The following EFCAB8 variants were observed in gnomAD, a reference collection of about 807,000 sequenced individuals.
EFCAB8 encodes EF-hand calcium binding domain 8, also known as EF-hand calcium-binding domain-containing protein 8.
EFCAB8 carries 100 observed loss-of-function variants against 116.3 expected under a neutral mutation model. The observed-to-expected ratio is 0.86, with a 90% CI of 0.73 to 1.02. The LOEUF (loss-of-function observed/expected upper bound fraction) is 1.02, where lower values mean the gene tolerates loss of function less well. Ranked by LOEUF, EFCAB8 falls within the 50% of genes least tolerant of loss-of-function variation. EFCAB8 has a pLI of 0.00. For missense variants in EFCAB8, 1,320 were observed against 1,416.9 expected (o/e 0.93, Z 1.10); for synonymous variants, 558 against 567.9 (o/e 0.98, Z 0.25).
intron 22 of EFCAB8, among the ~76,000 whole-genome samples, chr20:32,932,079 A>C (rs1183157029): frequency 6.6e-6 from 1 of 152,118 alleles, no homozygotes; most frequent in Non-Finnish European, 1.5e-5. Flanking sequence ...TCAGTTTCTA[A>C]AAATTTATTC....
chr20:32,892,217 C>A lies in EFCAB8; in HGVS notation c.678C>A (p.Phe226Leu). The A allele has an allele frequency of 1.3e-6, 2 of 1,551,676 alleles. No homozygotes were observed. Among genetic ancestry groups the A allele is most frequent in the Non-Finnish European group, 1.7e-6 (2 of 1,146,990 alleles). ...GGCCTTCTGTCTTTCCCCCAGATTT[C>A]TTTGATATTAGTGACCACAAATGTG... The part of the protein sequence containing the change: ...AVASTRQKID[F>L]FDISDHKCVR... Residue 226 changes from phenylalanine (F) to leucine (L), a missense_variant, in exon 8 of 27, where the codon TTC becomes TTA. Phe to Leu is a conservative substitution (Grantham distance 22). Transcript: ENST00000400522.
intron 7 of EFCAB8, among the ~76,000 whole-genome samples, chr20:32,891,930 G>A (rs1480646779): frequency 2.0e-5 from 3 of 152,066 alleles, no homozygotes; most frequent in African/African-American, 7.2e-5. Flanking sequence ...CTAGGCTCAA[G>A]CAGTCCTCTT....
intron 22 of EFCAB8, among the ~76,000 whole-genome samples, chr20:32,936,260 T>C (rs1366644066): frequency 6.6e-6 from 1 of 151,922 alleles, no homozygotes; most frequent in Non-Finnish European, 1.5e-5. Flanking sequence ...TGTTGAACTC[T>C]TGACCTCAGG....
intron 1 of EFCAB8, among the ~76,000 whole-genome samples, chr20:32,859,749 A>G (rs770117799): frequency 3.3e-5 from 5 of 152,186 alleles, no homozygotes; most frequent in Non-Finnish European, 7.3e-5. Context: ...ACCCCTAAAT[A>G]CTTTTCAGTG....
Position 32,893,931 on chromosome 20 carries a change from G to A in EFCAB8, c.883+633G>A, listed in dbSNP as rs1251668966. 2.0e-5 allele frequency among the ~76,000 whole-genome samples: 3 copies of A among 152,328 alleles called. No homozygotes were observed. In the South Asian group the frequency reaches 6.2e-4, roughly 32 times the overall value. The stretch of plus-strand genomic sequence containing the variant: ...AGGTCACCTGTACACGCCCCTGCCT[G>A]GTGAGTGGGGGCTAAGATCTGAAGT... On this transcript the variant is annotated intron_variant, in intron 9 of 26. Transcript: ENST00000400522.
intron 22 of EFCAB8, among the ~76,000 whole-genome samples, chr20:32,935,327 A>G (rs368555385): frequency 6.7e-6 from 1 of 149,040 alleles, no homozygotes; most frequent in Non-Finnish European, 1.5e-5. Context: ...CAGCCTCCTG[A>G]GTAGCTGTGA....
At chr20:32,951,299 G>T (rs765101820) in intron 23 of EFCAB8, among the ~76,000 whole-genome samples, 1 of 152,162 alleles carries the variant, frequency 6.6e-6, no homozygotes, top group Non-Finnish European at 1.5e-5. Context: ...ATCAATAGTT[G>T]AGTTGATAAA....
At chr20:32,912,084 A>G (rs1007419183) in intron 16 of EFCAB8, among the ~76,000 whole-genome samples, 3 of 152,206 alleles carry the variant, frequency 2.0e-5, no homozygotes, top group Non-Finnish European at 4.4e-5. Flanking sequence ...GGAGTGGCAT[A>G]GGGCAAAGCC....
chr20:32,941,232 A>G (rs970412945), intron 22 of EFCAB8, among the ~76,000 whole-genome samples: 1 of 148,870 alleles, frequency 6.7e-6, no homozygotes, highest in Non-Finnish European at 1.5e-5. Flanking sequence ...AGTCTGGGCA[A>G]CAAGAGCAAA....
chr20:32,864,915 C>A (rs1984310845), intron 2 of EFCAB8, among the ~76,000 whole-genome samples: 1 of 152,220 alleles, frequency 6.6e-6, no homozygotes. Context: ...CACATGTATT[C>A]AGGTGTCATT....
At chr20:32,931,433 T>TA in intron 22 of EFCAB8, 97 bp downstream of exon 22, 1 of 1,373,672 alleles carries the variant, frequency 7.3e-7, no homozygotes, top group East Asian at 2.7e-5. Context: ...GAAATACACT[T>TA]ACTAAAAGAT....
At chr20:32,903,672 A>G (rs192171863) in intron 11 of EFCAB8, 4 of 152,414 alleles carry the variant, frequency 2.6e-5, no homozygotes, top group Admixed American at 1.3e-4. Context: ...GTGTACTGCC[A>G]TCTGTTCTCT....
At chr20:32,958,207 C>T (rs1280290415) in intron 23 of EFCAB8, among the ~76,000 whole-genome samples, 1 of 152,134 alleles carries the variant, frequency 6.6e-6, no homozygotes, top group Admixed American at 6.6e-5. Context: ...GCCTGAGCTC[C>T]GAGTGTGTCC....
Position 32,875,502 on chromosome 20 carries a change from G to GTTTTTTTTTTTTTTTTTTTTTTT in EFCAB8, c.209-406_209-405insTTTTTTTTTTTTTTTTTTTTTTT, listed in dbSNP as rs57620114. On this transcript the variant is annotated intron_variant, in intron 3 of 26. Transcript: ENST00000400522. ...CTGAGCACACCTGGTAAACATGGTG[G>GTTTTTTTTTTTTTTTTTTTTTTT]TTTTTTTTTTTTTTTTTTGAGACAG... is the stretch of plus-strand genomic sequence containing the variant. Among the ~76,000 whole-genome samples, 381 of 89,822 alleles carry GTTTTTTTTTTTTTTTTTTTTTTT rather than the reference G, an allele frequency of 4.2e-3. 66 individuals are homozygous for GTTTTTTTTTTTTTTTTTTTTTTT. Among genetic ancestry groups the GTTTTTTTTTTTTTTTTTTTTTTT allele is most frequent in the Non-Finnish European group, 6.4e-3 (249 of 38,696 alleles). 58.9% of individuals were successfully genotyped at this position (89,822 alleles called of 152,430 possible).
chr20:32,907,179 G>A (rs1986718934), intron 13 of EFCAB8, 185 bp downstream of exon 13: 1 of 959,400 alleles, frequency 1.0e-6, no homozygotes, highest in South Asian at 4.8e-5. Context: ...TGGGTTCCCA[G>A]GTAGCCCAGC....
At chr20:32,932,734 C>A (rs1334489805) in intron 22 of EFCAB8, among the ~76,000 whole-genome samples, 1 of 152,194 alleles carries the variant, frequency 6.6e-6, no homozygotes, top group Non-Finnish European at 1.5e-5. Context: ...AAAAATCTTA[C>A]ACAAAAGTGA....
At chr20:32,875,502 G>GGTTTTTTTTT (rs1984916244) in intron 3 of EFCAB8, among the ~76,000 whole-genome samples, 1 of 89,890 alleles carries the variant, frequency 1.1e-5, no homozygotes, top group African/African-American at 3.4e-5. Context: ...AAACATGGTG[G>GGTTTTTTTTT]TTTTTTTTTT....
intron 17 of EFCAB8, among the ~76,000 whole-genome samples, chr20:32,914,195 A>G (rs1987077918): frequency 1.3e-5 from 2 of 152,216 alleles, no homozygotes; most frequent in African/African-American, 4.8e-5. Flanking sequence ...CCACACCTAG[A>G]GTGGTCAAGG....
chr20:32,908,063 G>T (rs1986759662), intron 13 of EFCAB8, among the ~76,000 whole-genome samples: 3 of 152,198 alleles, frequency 2.0e-5, no homozygotes, highest in Non-Finnish European at 2.9e-5. Context: ...GCTGTGCCCG[G>T]CCCTCACTCA....
Sources: gnomAD v4.1 joint callset for allele counts (sites outside exome capture counted in the v4.1 genomes callset) on GRCh38, gnomAD v4.1.1 for gene constraint, MANE v1.5 for transcripts, NCBI Gene and HGNC (gene_info 2026-07-23, HGNC 2026-07-21) for gene names.